Variants in RIC3 observed in about 807,000 individuals in gnomAD.
RIC3 encodes RIC3 acetylcholine receptor chaperone.
In RIC3, 28 loss-of-function variants were observed where a neutral mutation model predicts 27.3. The observed-to-expected ratio is 1.02, with a 90% CI of 0.76 to 1.41. The LOEUF (loss-of-function observed/expected upper bound fraction) is 1.41. Among genes scored for constraint, RIC3 ranks in the 40% most tolerant of loss-of-function variants. The probability of loss-of-function intolerance (pLI) is 0.00; values close to 1 mark genes in which losing one functional copy is unlikely to be tolerated. For synonymous variants in RIC3, 184 were observed against 160.4 expected, an observed-to-expected ratio of 1.15 and a Z score of -1.11; for missense variants, 501 against 444.7, an observed-to-expected ratio of 1.13 and a Z score of -1.14.
chr11:8,161,917 C>A (rs1489048519), intron 1 of RIC3, among the ~76,000 whole-genome samples: 1 of 140,206 alleles, frequency 7.1e-6, no homozygotes, highest in Non-Finnish European at 1.5e-5. Flanking sequence ...CACTCACTTT[C>A]TCCGGGCAAT....
intron 1 of RIC3, among the ~76,000 whole-genome samples, chr11:8,142,489 T>C (rs1441439087): frequency 6.7e-6 from 1 of 149,996 alleles, no homozygotes; most frequent in Non-Finnish European, 1.5e-5. Context: ...AGAAGTTGAA[T>C]CTCTGAATAG....
At chr11:8,117,011 C>T (rs1396225585) in intron 5 of RIC3, among the ~76,000 whole-genome samples, 2 of 152,218 alleles carry the variant, frequency 1.3e-5, no homozygotes, top group African/African-American at 2.4e-5. Flanking sequence ...TCAATCTGAA[C>T]ATCCATGAAT....
downstream of RIC3, chr11:8,105,779 CCTCCTCTGTG>C (rs1332180049): frequency 1.3e-5 from 2 of 152,258 alleles, no homozygotes; most frequent in African/African-American, 4.8e-5. Flanking sequence ...CCTCTCCTCT[CCTCCTCTGTG>C]CTCCTGTCCC....
intron 1 of RIC3, 53 bp from the exon 2 acceptor site, chr11:8,140,246 T>C (rs1363755089): frequency 2.0e-6 from 3 of 1,490,448 alleles, no homozygotes; most frequent in Non-Finnish European, 2.7e-6. Flanking sequence ...AAGATGGCTA[T>C]CATGAAAACA....
the RIC3 span, chr11:8,095,799 C>T: frequency 1.4e-5 from 14 of 1,001,450 alleles, no homozygotes; most frequent in South Asian, 7.3e-5. Context: ...GGGCACACTT[C>T]GGAGACAAAT....
At chr11:8,126,956 TG>T (rs1565004297) in intron 4 of RIC3, 149 bp from the exon 5 acceptor site, 1 of 882,634 alleles carries the variant, frequency 1.1e-6, no homozygotes, top group Admixed American at 2.0e-5. Context: ...ACTGCATAGC[TG>T]GGAACTAGAG....
Position 8,168,998 on chromosome 11 carries a change from A to C in RIC3, c.-9T>G, listed in dbSNP as rs921020778. 6.6e-7 allele frequency: 1 copy of C among 1,512,416 alleles called. No homozygotes were observed. Among genetic ancestry groups the C allele is most frequent in the Non-Finnish European group, 8.8e-7 (1 of 1,132,336 alleles). The allele number at this position is 1,512,416 out of a possible 1,614,324, so 93.7% of individuals were successfully genotyped here. ...ACTGTGGAGTACGCCATGACTGCTC[A>C]CGGTGGTCGCAGGTGCAGACGCCAG... is the stretch of plus-strand genomic sequence containing the variant. On this transcript the variant is annotated 5_prime_UTR_variant, in exon 1 of 6. Transcript: ENST00000309737.
At chr11:8,150,360 T>C (rs1009904599) in intron 1 of RIC3, among the ~76,000 whole-genome samples, 3 of 152,306 alleles carry the variant, frequency 2.0e-5, no homozygotes, top group East Asian at 1.9e-4. Flanking sequence ...TGAACAAAAA[T>C]AGAGCTCATG....
At position 8,108,639 on chromosome 11, in the gene RIC3, G is replaced by T. The variant is rs1050073812; in HGVS notation, c.*2059C>A. 7 of 152,162 alleles carry T rather than the reference G, an allele frequency of 4.6e-5. No individual in the cohort carries two copies. The highest frequency in any genetic ancestry group is 1.7e-4 in the African/African-American group (7 of 41,444). 9.4% of individuals were successfully genotyped at this position (152,162 alleles called of 1,614,324 possible). On this transcript the variant is annotated 3_prime_UTR_variant, in exon 6 of 6. Transcript: ENST00000309737. Reference sequence around the variant, plus strand: ...AATGCAGGGACAGATTATGGCTCATGTTTCTCTGCCTGCAGGATTCACGAT... The same window carrying T: ...AATGCAGGGACAGATTATGGCTCATTTTTCTCTGCCTGCAGGATTCACGAT...
chr11:8,133,859 G>C (rs527983859), intron 4 of RIC3, among the ~76,000 whole-genome samples: 48 of 152,242 alleles, frequency 3.2e-4, no homozygotes, highest in African/African-American at 1.2e-3. Flanking sequence ...AGTTAAGGGA[G>C]TCTGTTACTC....
intron 1 of RIC3, among the ~76,000 whole-genome samples, chr11:8,151,656 G>A (rs1347471515): frequency 1.3e-5 from 2 of 150,976 alleles, no homozygotes; most frequent in Admixed American, 1.3e-4. Context: ...GCTCATGCTT[G>A]TAATCCCATC....
chr11:8,145,443 T>G (rs1949582359), intron 1 of RIC3, among the ~76,000 whole-genome samples: 1 of 152,160 alleles, frequency 6.6e-6, no homozygotes, highest in Non-Finnish European at 1.5e-5. Flanking sequence ...GCCCCTCAAT[T>G]TGCATGTTCT....
At chr11:8,123,016 G>A (rs145904519) in intron 5 of RIC3, among the ~76,000 whole-genome samples, 1 of 152,016 alleles carries the variant, frequency 6.6e-6, no homozygotes, top group African/African-American at 2.4e-5. Context: ...ACGTTTAAGA[G>A]AGTAAAATAT....
chr11:8,095,204 T>C, the RIC3 span, among the ~76,000 whole-genome samples: 9 of 152,310 alleles, frequency 5.9e-5, no homozygotes, highest in East Asian at 1.7e-3. Flanking sequence ...GTTTTTCCAC[T>C]GTGCAGTTGG....
intron 1 of RIC3, among the ~76,000 whole-genome samples, chr11:8,167,900 C>T (rs1002856698): frequency 7.2e-5 from 11 of 152,298 alleles, no homozygotes; most frequent in African/African-American, 2.2e-4. Flanking sequence ...GCCCTCCACC[C>T]CTAAAGCTTG....
At chr11:8,099,014 T>A in the RIC3 span, 4 of 700,352 alleles carry the variant, frequency 5.7e-6, no homozygotes, top group Admixed American at 9.3e-5. Flanking sequence ...TGTGGAGTGT[T>A]CCTGGCCTAG....
chr11:8,138,832 C>G (rs548334192), intron 2 of RIC3: 92 of 231,942 alleles, frequency 4.0e-4, no homozygotes, highest in Non-Finnish European at 6.9e-4. Flanking sequence ...AAGTTAGTTC[C>G]TCCTTCCTTT....
At chr11:8,097,722 C>T in the RIC3 span, 5 of 1,613,430 alleles carry the variant, frequency 3.1e-6, no homozygotes, top group Non-Finnish European at 4.2e-6. Context: ...AGGTGTTCCT[C>T]CTGGCGGGAA....
the RIC3 span, among the ~76,000 whole-genome samples, chr11:8,093,161 C>T: frequency 6.6e-6 from 1 of 152,008 alleles, no homozygotes; most frequent in Non-Finnish European, 1.5e-5. Context: ...AACACCTGCT[C>T]TGACGAGGGA....
Sources: allele counts gnomAD v4.1 joint callset (sites outside exome capture counted in the v4.1 genomes callset), GRCh38; gene constraint gnomAD v4.1.1; transcripts MANE v1.5; gene names NCBI Gene and HGNC (gene_info 2026-07-23, HGNC 2026-07-21).